TMSB15B: variants seen among roughly 807,000 people sequenced by gnomAD.
TMSB15B encodes thymosin beta-15B.
intron 1 of TMSB15B, among the ~76,000 whole-genome samples, chrX:103,923,314 T>C (rs1320841618): frequency 8.9e-6 from 1 of 112,198 alleles, no homozygotes; most frequent in Non-Finnish European, 1.9e-5. Context: ...TAGGTTTTCT[T>C]CTAGGGTTTT....
At chrX:103,954,468 C>CA (rs2075046478) in intron 1 of TMSB15B, among the ~76,000 whole-genome samples, 1 of 110,299 alleles carries the variant, frequency 9.1e-6, no homozygotes, top group Non-Finnish European at 1.9e-5. Context: ...CACCAGCCTG[C>CA]ATGTTAACTC....
intron 1 of TMSB15B, among the ~76,000 whole-genome samples, chrX:103,922,191 AATTT>A (rs201913728): frequency 9.5e-6 from 1 of 105,085 alleles, no homozygotes; most frequent in Non-Finnish European, 2.0e-5. Context: ...ATTTTTATTT[AATTT>A]ATTTATTTAT....
rs148340285 is a variant in TMSB15B at position 103,941,178 on chromosome X, G to T, written c.-720-20843G>T. On this transcript the variant is annotated intron_variant, in intron 1 of 3. Transcript: ENST00000419165. Reference sequence around the variant, plus strand: ...TTCAGCCATCTTGCCCAGGAGTCTCGCATTCCTTTGTTATAGCTCAATGCT... The same window carrying T: ...TTCAGCCATCTTGCCCAGGAGTCTCTCATTCCTTTGTTATAGCTCAATGCT... 8.9e-5 allele frequency among the ~76,000 whole-genome samples: 10 copies of T among 111,779 alleles called. No individual in the cohort carries two copies. In the Admixed American group the frequency reaches 9.5e-4, roughly 11 times the overall value.
intron 1 of TMSB15B, chrX:103,928,151 G>A: frequency 8.6e-7 from 1 of 1,157,944 alleles, no homozygotes; most frequent in Non-Finnish European, 1.2e-6. Flanking sequence ...AACACAAGCA[G>A]AGGCTCCAGG....
chrX:103,954,882 G>A (rs1556328890), intron 1 of TMSB15B, among the ~76,000 whole-genome samples: 1 of 111,695 alleles, frequency 9.0e-6, no homozygotes, highest in African/African-American at 3.3e-5. Context: ...CCACAGGGAG[G>A]CAGGCACCTC....
chrX:103,953,459 A>G (rs2075043825), intron 1 of TMSB15B, among the ~76,000 whole-genome samples: 1 of 112,374 alleles, frequency 8.9e-6, no homozygotes, highest in African/African-American at 3.2e-5. Flanking sequence ...CACTTCCACA[A>G]CACCTCACAG....
chrX:103,938,118 G>A (rs1266874683), intron 1 of TMSB15B, among the ~76,000 whole-genome samples: 1 of 111,561 alleles, frequency 9.0e-6, no homozygotes, highest in African/African-American at 3.3e-5. Flanking sequence ...AGTGCTATGT[G>A]GTGCTGAGAA....
chrX:103,943,746 A>G (rs1180977533), intron 1 of TMSB15B, among the ~76,000 whole-genome samples: 1 of 111,579 alleles, frequency 9.0e-6, no homozygotes, highest in Non-Finnish European at 1.9e-5. Flanking sequence ...TGTGCCCTAC[A>G]TTTCTCTTTG....
rs1414422329 is a variant in TMSB15B at position 103,928,079 on chromosome X, C to A, written c.-721+8787C>A. On this transcript the variant is annotated intron_variant, in intron 1 of 3. Coordinates refer to the TMSB15B transcript ENST00000419165. ...CACCCTTGCCAGTTTCTTCCACCTGCACCCAGTTGTCTTCAGCATGGGGGA... is the reference window on the plus strand; with the variant it reads ...CACCCTTGCCAGTTTCTTCCACCTGAACCCAGTTGTCTTCAGCATGGGGGA... The A allele has an allele frequency of 6.0e-6, 6 of 1,005,494 alleles. No individual in the cohort carries two copies. The East Asian group carries it at 1.2e-4, about 21-fold the overall frequency. The allele number at this position is 1,005,494 out of a possible 1,213,427, so 82.9% of individuals were successfully genotyped here. A position where few individuals can be genotyped will look rare whatever the true frequency, so the allele number is the denominator to read the frequency against.
chrX:103,942,868 A>G (rs1439181179), intron 1 of TMSB15B, among the ~76,000 whole-genome samples: 2 of 111,739 alleles, frequency 1.8e-5, no homozygotes, highest in African/African-American at 3.2e-5. Context: ...TTTCTTACAT[A>G]TAATGTCCTA....
intron 1 of TMSB15B, among the ~76,000 whole-genome samples, chrX:103,952,581 G>C (rs1421167537): frequency 1.8e-4 from 20 of 111,534 alleles, no homozygotes; most frequent in African/African-American, 5.9e-4. Flanking sequence ...TGTTTTATTA[G>C]TAGCGGAGGG....
chrX:103,930,168 A>G (rs2074980688), intron 1 of TMSB15B, among the ~76,000 whole-genome samples: 1 of 111,674 alleles, frequency 9.0e-6, no homozygotes, highest in Non-Finnish European at 1.9e-5. Flanking sequence ...ACTAGCCATA[A>G]TGAACCTTGT....
intron 1 of TMSB15B, among the ~76,000 whole-genome samples, chrX:103,951,271 A>G (rs1204081705): frequency 8.9e-6 from 1 of 111,924 alleles, no homozygotes; most frequent in Non-Finnish European, 1.9e-5. Context: ...TCAGCCCACA[A>G]TAATCATATA....
At chrX:103,940,051 C>A (rs1462610029) in intron 1 of TMSB15B, among the ~76,000 whole-genome samples, 1 of 111,746 alleles carries the variant, frequency 8.9e-6, no homozygotes, top group Non-Finnish European at 1.9e-5. Context: ...GGGGCACCAG[C>A]CAGATGCCAG....
intron 1 of TMSB15B, among the ~76,000 whole-genome samples, chrX:103,942,707 AT>A (rs2075015535): frequency 8.9e-6 from 1 of 112,088 alleles, no homozygotes; most frequent in Non-Finnish European, 1.9e-5. Context: ...AACAAAAATA[AT>A]GGTTGAAATT....
chrX:103,952,110 G>A (rs1192769705), intron 1 of TMSB15B, among the ~76,000 whole-genome samples: 1 of 111,465 alleles, frequency 9.0e-6, no homozygotes, highest in Non-Finnish European at 1.9e-5. Context: ...TTGCTAGGTT[G>A]CCCAGGCTGA....
chrX:103,950,242 C>T (rs2075035598), intron 1 of TMSB15B, among the ~76,000 whole-genome samples: 1 of 111,097 alleles, frequency 9.0e-6, no homozygotes, highest in Admixed American at 9.5e-5. Context: ...AGAGAGTAGT[C>T]AAAATAGGTA....
chrX:103,937,531 T>C (rs2075001347), intron 1 of TMSB15B, among the ~76,000 whole-genome samples: 1 of 112,010 alleles, frequency 8.9e-6, no homozygotes, highest in Non-Finnish European at 1.9e-5. Context: ...TGCCATTTTT[T>C]ATTGTGTCTA....
In TMSB15B at chrX:103,948,863, C is replaced by A. The variant is rs181676617; in HGVS notation, c.-720-13158C>A. Among the ~76,000 whole-genome samples, 289 of 111,885 alleles carry A rather than the reference C, an allele frequency of 2.6e-3. 1 individual carries two copies. The highest frequency in any genetic ancestry group is 8.6e-3 in the African/African-American group (265 of 30,786). On this transcript the variant is annotated intron_variant, in intron 1 of 3. Coordinates refer to the TMSB15B transcript ENST00000419165. ...GACATTACATTTCCATGTGGGAAGA[C>A]TGAAATAAGATAATTAGCATAAGTA...
Sources: allele counts gnomAD v4.1 joint callset (sites outside exome capture counted in the v4.1 genomes callset), GRCh38; gene constraint gnomAD v4.1.1; transcripts MANE v1.5; gene names NCBI Gene and HGNC (gene_info 2026-07-23, HGNC 2026-07-21).